Variants in SNX29 observed in about 807,000 individuals in gnomAD.
SNX29 encodes sorting nexin-29.
SNX29 carries 78 observed loss-of-function variants against 102.1 expected under a neutral mutation model. The observed-to-expected ratio is 0.76, with a 90% CI of 0.64 to 0.92. SNX29 has a LOEUF of 0.92. SNX29 is among the 40% of genes least tolerant of loss of function. The pLI, the probability that SNX29 is intolerant of heterozygous loss-of-function variation, is 0.00. For missense variants in SNX29, 1,280 were observed against 1,061.7 expected (o/e 1.21, Z -2.86); for synonymous variants, 580 against 414.5 (o/e 1.40, Z -4.85).
intron 20 of SNX29, among the ~76,000 whole-genome samples, chr16:12,543,241 T>A (rs1376973351): frequency 1.3e-5 from 2 of 152,132 alleles, no homozygotes; most frequent in Non-Finnish European, 2.9e-5. Flanking sequence ...ATTCTAGAGA[T>A]TCTGAATGAT....
intron 20 of SNX29, among the ~76,000 whole-genome samples, chr16:12,566,671 C>T (rs543739992): frequency 8.4e-4 from 121 of 144,754 alleles, no homozygotes; most frequent in Non-Finnish European, 1.5e-3. Flanking sequence ...AAGGAGCATT[C>T]AGGGATAAAG....
At chr16:12,207,064 T>C (rs1439394570) in intron 14 of SNX29, among the ~76,000 whole-genome samples, 1 of 152,068 alleles carries the variant, frequency 6.6e-6, no homozygotes, top group African/African-American at 2.4e-5. Context: ...GTAGGTACCA[T>C]TGAGTTAAGA....
At chr16:12,554,280 T>C (rs1188873023) in intron 20 of SNX29, among the ~76,000 whole-genome samples, 1 of 152,226 alleles carries the variant, frequency 6.6e-6, no homozygotes, top group African/African-American at 2.4e-5. Flanking sequence ...TGTGTATACA[T>C]GGGTGCTTGC....
intron 20 of SNX29, among the ~76,000 whole-genome samples, chr16:12,541,048 G>A (rs1379952983): frequency 6.6e-6 from 1 of 152,124 alleles, no homozygotes; most frequent in African/African-American, 2.4e-5. Context: ...TAGTCTGGCT[G>A]CTATTTAGTT....
At chr16:12,435,649 G>T (rs901323037) in intron 18 of SNX29, among the ~76,000 whole-genome samples, 15 of 152,238 alleles carry the variant, frequency 9.9e-5, no homozygotes, top group African/African-American at 3.4e-4. Context: ...GATGAGCATA[G>T]TTCTCAGCAG....
chr16:12,366,999 A>G (rs900151814), intron 16 of SNX29: 1 of 151,942 alleles, frequency 6.6e-6, no homozygotes, highest in African/African-American at 2.4e-5. Context: ...GATAATTGCC[A>G]TTCATTACAA....
chr16:12,070,286 C>T (rs1402059954), intron 10 of SNX29, among the ~76,000 whole-genome samples: 2 of 150,188 alleles, frequency 1.3e-5, no homozygotes, highest in Non-Finnish European at 3.0e-5. Context: ...ATTAACTCGT[C>T]ATTTAGCATT....
chr16:12,463,117 G>T (rs984318801), intron 18 of SNX29, among the ~76,000 whole-genome samples: 4 of 152,162 alleles, frequency 2.6e-5, no homozygotes, highest in Admixed American at 6.5e-5. Context: ...TTATTAGGAC[G>T]CCAGGCTCCT....
chr16:11,978,938 A>C lies in SNX29; in HGVS notation c.7+2125A>C, dbSNP rs541832415. 7.9e-5 allele frequency among the ~76,000 whole-genome samples: 12 copies of C among 151,816 alleles called. No homozygotes were observed. The South Asian group carries it at 2.5e-3, about 32-fold the overall frequency. On this transcript the variant is annotated intron_variant, in intron 1 of 20. Transcript: ENST00000566228. The stretch of plus-strand genomic sequence containing the variant: ...AGACTTCGTCTCAAAACAAACAAAC[A>C]AACAAAAAAACAAAAGAAAGAAAAC...
At chr16:12,091,620 T>TAC (rs974703203) in intron 11 of SNX29, among the ~76,000 whole-genome samples, 5 of 151,910 alleles carry the variant, frequency 3.3e-5, no homozygotes, top group Non-Finnish European at 5.9e-5. Context: ...ACCCTGTCTC[T>TAC]ACACACACAC....
At chr16:12,327,671 G>T (rs1013198411) in intron 15 of SNX29, among the ~76,000 whole-genome samples, 13 of 152,154 alleles carry the variant, frequency 8.5e-5, no homozygotes, top group African/African-American at 2.9e-4. Context: ...GAATTACGGG[G>T]TGACACAGTT....
chr16:12,390,356 T>C (rs1183108548), intron 16 of SNX29, among the ~76,000 whole-genome samples: 1 of 152,120 alleles, frequency 6.6e-6, no homozygotes, highest in African/African-American at 2.4e-5. Context: ...ATCTCCCTTA[T>C]GCTTCAGGCT....
intron 15 of SNX29, among the ~76,000 whole-genome samples, chr16:12,334,914 T>G (rs2081402046): frequency 6.7e-6 from 1 of 150,270 alleles, no homozygotes; most frequent in Non-Finnish European, 1.5e-5. Context: ...TTTTTTTTTT[T>G]TTTTTTTAAA....
At chr16:12,241,155 G>A (rs1033502560) in intron 14 of SNX29, among the ~76,000 whole-genome samples, 2 of 152,166 alleles carry the variant, frequency 1.3e-5, no homozygotes, top group East Asian at 1.9e-4. Context: ...ATAATTAACC[G>A]GGATTCCAAT....
intron 13 of SNX29, among the ~76,000 whole-genome samples, chr16:12,143,245 C>T (rs2141520355): frequency 6.6e-6 from 1 of 152,236 alleles, no homozygotes; most frequent in Non-Finnish European, 1.5e-5. Context: ...GATCCGTCCA[C>T]CTCGGCCTCC....
At chr16:12,541,447 A>C (rs1229816485) in intron 20 of SNX29, among the ~76,000 whole-genome samples, 1 of 152,192 alleles carries the variant, frequency 6.6e-6, no homozygotes, top group East Asian at 1.9e-4. Context: ...GTCTCAAAGG[A>C]CCCACGCTTA....
At chr16:12,227,978 A>G (rs955789090) in intron 14 of SNX29, among the ~76,000 whole-genome samples, 4 of 148,364 alleles carry the variant, frequency 2.7e-5, no homozygotes, top group Admixed American at 6.7e-5. Context: ...ACCTGGGAGC[A>G]TGTTAGAGAG....
chr16:12,441,422 A>T (rs758855198), intron 18 of SNX29, among the ~76,000 whole-genome samples: 1 of 151,900 alleles, frequency 6.6e-6, no homozygotes, highest in African/African-American at 2.4e-5. Context: ...ATAATATTTC[A>T]TTGTTTGGGT....
chr16:12,120,519 A>T (rs1253412075), intron 11 of SNX29, among the ~76,000 whole-genome samples: 2 of 152,252 alleles, frequency 1.3e-5, no homozygotes, highest in Non-Finnish European at 2.9e-5. Context: ...AATGAGTCTC[A>T]GGATAATTCC....
Sources: gnomAD v4.1 joint callset for allele counts (sites outside exome capture counted in the v4.1 genomes callset) on GRCh38, gnomAD v4.1.1 for gene constraint, MANE v1.5 for transcripts, NCBI Gene and HGNC (gene_info 2026-07-23, HGNC 2026-07-21) for gene names.